Variants in CPA6 observed in about 807,000 individuals in gnomAD.
The protein encoded by CPA6 is carboxypeptidase B.
A neutral mutation model predicts 63.3 loss-of-function variants in CPA6; 58 were observed. The observed-to-expected ratio is 0.92, with a 90% CI of 0.74 to 1.14. CPA6 has a LOEUF of 1.14. Among genes scored for constraint, CPA6 ranks in the 50% most tolerant of loss-of-function variants. The probability of loss-of-function intolerance (pLI) is 0.00; values close to 1 mark genes in which losing one functional copy is unlikely to be tolerated. For synonymous variants in CPA6, 185 were observed against 179.0 expected (o/e 1.03, Z -0.27); for missense variants, 565 against 526.6 (o/e 1.07, Z -0.71).
intron 1 of CPA6, among the ~76,000 whole-genome samples, chr8:67,654,817 T>G (rs1815943864): frequency 6.6e-6 from 1 of 152,120 alleles, no homozygotes; most frequent in Admixed American, 6.6e-5. Flanking sequence ...GTCTCCTCTT[T>G]TTCTACACTG....
intron 1 of CPA6, among the ~76,000 whole-genome samples, chr8:67,739,487 C>G (rs911648269): frequency 1.3e-5 from 2 of 152,154 alleles, no homozygotes; most frequent in Non-Finnish European, 2.9e-5. Context: ...ACCTTAGAAC[C>G]AAGGACATGT....
At chr8:67,505,901 T>A (rs1811916704) in intron 6 of CPA6, among the ~76,000 whole-genome samples, 2 of 152,170 alleles carry the variant, frequency 1.3e-5, no homozygotes, top group Admixed American at 6.6e-5. Context: ...TTTGTGTCTT[T>A]AATGGTTTTC....
chr8:67,481,458 G>T (rs1811359312), intron 8 of CPA6, among the ~76,000 whole-genome samples: 1 of 152,312 alleles, frequency 6.6e-6, no homozygotes, highest in South Asian at 2.1e-4. Flanking sequence ...TATTCAAAAA[G>T]TATGCCTGTC....
chr8:67,585,828 A>G (rs1225127549), intron 2 of CPA6, among the ~76,000 whole-genome samples: 1 of 152,168 alleles, frequency 6.6e-6, no homozygotes, highest in African/African-American at 2.4e-5. Context: ...GGCCATAGTC[A>G]CAAAGAGTTC....
chr8:67,719,677 T>C (rs1282560298), intron 1 of CPA6, among the ~76,000 whole-genome samples: 1 of 152,090 alleles, frequency 6.6e-6, no homozygotes, highest in East Asian at 1.9e-4. Flanking sequence ...GTTACAGTCA[T>C]GCAGGCATAA....
At chr8:67,644,200 G>A (rs539833116) in intron 1 of CPA6, among the ~76,000 whole-genome samples, 22 of 151,676 alleles carry the variant, frequency 1.5e-4, no homozygotes, top group African/African-American at 5.3e-4. Context: ...CTCACTGCAA[G>A]CTCCGCCTCC....
At chr8:67,449,297 C>T (rs1381201184) in intron 8 of CPA6, among the ~76,000 whole-genome samples, 1 of 152,112 alleles carries the variant, frequency 6.6e-6, no homozygotes, top group Non-Finnish European at 1.5e-5. Flanking sequence ...AATTATTGGA[C>T]TCTCTGTTCT....
intron 2 of CPA6, among the ~76,000 whole-genome samples, chr8:67,555,729 G>A (rs1470253050): frequency 6.6e-6 from 1 of 152,146 alleles, no homozygotes. Context: ...CCCTTAACTT[G>A]TGAGGTCTCT....
At position 67,745,995 on chromosome 8, in the gene CPA6, T is replaced by C. The variant is rs1183690887; in HGVS notation, c.116+19A>G. On this transcript the variant is annotated intron_variant, in intron 1 of 10. Transcript: ENST00000297770. The stretch of plus-strand genomic sequence containing the variant: ...ATCCAAATCAAAGCTGTGTAGGGCA[T>C]GAATGTCGCTCCACTTACCCAGCAT... 2 of 1,584,698 alleles carry C rather than the reference T, an allele frequency of 1.3e-6. No individual in the cohort carries two copies. Among genetic ancestry groups the C allele is most frequent in the African/African-American group, 2.7e-5 (2 of 74,282 alleles).
chr8:67,576,417 G>C (rs1200163056), intron 2 of CPA6, among the ~76,000 whole-genome samples: 2 of 152,162 alleles, frequency 1.3e-5, no homozygotes, highest in East Asian at 3.8e-4. Context: ...GATACATTGG[G>C]ATGTGTAAAA....
At chr8:67,465,613 T>C (rs1810907589) in intron 8 of CPA6, among the ~76,000 whole-genome samples, 7 of 152,144 alleles carry the variant, frequency 4.6e-5, no homozygotes. Context: ...CCGTTCAGTA[T>C]GATGTTGGCC....
chr8:67,490,364 T>C (rs530995697), intron 6 of CPA6, among the ~76,000 whole-genome samples: 211 of 152,324 alleles, frequency 1.4e-3, no homozygotes, highest in Non-Finnish European at 2.3e-3. Flanking sequence ...AAGTTGCATC[T>C]GGACCTACAA....
chr8:67,671,886 A>G (rs1204557384), intron 1 of CPA6, among the ~76,000 whole-genome samples: 1 of 152,154 alleles, frequency 6.6e-6, no homozygotes, highest in Non-Finnish European at 1.5e-5. Context: ...GCTGGAGTGC[A>G]GTGGTGCAAT....
chr8:67,718,810 C>T (rs1817434818), intron 1 of CPA6, among the ~76,000 whole-genome samples: 1 of 152,068 alleles, frequency 6.6e-6, no homozygotes, highest in Admixed American at 6.5e-5. Flanking sequence ...CCACACCCAG[C>T]TAATTTTTGT....
chr8:67,576,836 T>C (rs917327380), intron 2 of CPA6, among the ~76,000 whole-genome samples: 1 of 151,862 alleles, frequency 6.6e-6, no homozygotes, highest in Non-Finnish European at 1.5e-5. Flanking sequence ...GTAGTATGAC[T>C]ATAGACCAAG....
intron 3 of CPA6, among the ~76,000 whole-genome samples, chr8:67,516,075 T>C (rs1336877643): frequency 3.3e-5 from 5 of 152,178 alleles, no homozygotes; most frequent in Admixed American, 3.3e-4. Flanking sequence ...CACCCTGACC[T>C]TTCCATGGTT....
intron 1 of CPA6, among the ~76,000 whole-genome samples, chr8:67,640,694 C>T (rs1815571711): frequency 6.6e-6 from 1 of 151,284 alleles, no homozygotes; most frequent in South Asian, 2.1e-4. Context: ...GAGCTCCTGC[C>T]CCACCAACTT....
At chr8:67,448,948 G>A (rs997496348) in intron 8 of CPA6, among the ~76,000 whole-genome samples, 8 of 151,864 alleles carry the variant, frequency 5.3e-5, no homozygotes, top group Non-Finnish European at 8.8e-5. Flanking sequence ...CATTACTTTG[G>A]TTATATATTA....
intron 1 of CPA6, among the ~76,000 whole-genome samples, chr8:67,726,275 A>G (rs1267617301): frequency 1.3e-5 from 2 of 152,310 alleles, no homozygotes; most frequent in East Asian, 3.9e-4. Flanking sequence ...GAAAGTCAGA[A>G]AAGATTAGGG....
Sources: allele counts gnomAD v4.1 joint callset (sites outside exome capture counted in the v4.1 genomes callset), GRCh38; gene constraint gnomAD v4.1.1; transcripts MANE v1.5; gene names NCBI Gene and HGNC (gene_info 2026-07-23, HGNC 2026-07-21).